The following ELMOD1 variants were observed in gnomAD, a reference collection of about 807,000 sequenced individuals.
ELMOD1 encodes ELMO domain-containing protein 1.
In ELMOD1, 21 loss-of-function variants were observed where a neutral mutation model predicts 46.7. The ratio of observed to expected loss-of-function variants is 0.45; its 90% CI spans 0.32 to 0.65. The LOEUF (loss-of-function observed/expected upper bound fraction) is 0.65. ELMOD1 is among the 30% of genes least tolerant of loss of function. The pLI is 0.04. For synonymous variants in ELMOD1, 122 were observed against 138.2 expected (o/e 0.88, Z 0.82); for missense variants, 348 against 407.8 (o/e 0.85, Z 1.26).
rs1172867352 is a variant in ELMOD1 at position 107,655,966 on chromosome 11, T to C, written c.732T>C (p.Thr244=). 5 of 1,603,370 alleles carry C rather than the reference T, an allele frequency of 3.1e-6. No individual in the cohort carries two copies. Among genetic ancestry groups the C allele is most frequent in the African/African-American group, 1.3e-5 (1 of 74,888 alleles). The change falls in exon 11 of 12, where the codon ACT becomes ACC. Residue 244 remains threonine (T), a synonymous_variant. Coordinates refer to ENST00000265840, the MANE Select transcript of ELMOD1 (RefSeq NM_018712.4). ...YSFAIVGINI[T]DLAYNLLVSG... is the part of the protein sequence containing the mutation. ...TTGCAATTGTGGGCATCAATATAAC[T>C]GACCTGGCATATAATCTACTGGTCA...
chr11:107,606,703 C>T (rs933270505), intron 1 of ELMOD1, among the ~76,000 whole-genome samples: 12 of 152,060 alleles, frequency 7.9e-5, no homozygotes, highest in Admixed American at 1.3e-4. Flanking sequence ...GGTGTGGTGG[C>T]GTGCGCCTGT....
chr11:107,592,465 C>T (rs1315389597), intron 1 of ELMOD1: 1 of 533,778 alleles, frequency 1.9e-6, no homozygotes, highest in African/African-American at 1.9e-5. Flanking sequence ...GCTTGACAAC[C>T]GTCCTTAACT....
rs937289928 is a variant in ELMOD1, at chr11:107,597,775, A to T, written c.-86+6366A>T. Among the ~76,000 whole-genome samples the T allele has an allele frequency of 7.9e-5, 12 of 152,338 alleles. No individual in the cohort carries two copies. In the East Asian group the frequency reaches 2.3e-3, roughly 29 times the overall value. ...AATCAATCTAACTAAAAATAGGTGC[A>T]TCTGCTCTGTAACTAGCACTAGGTT... On this transcript the variant is annotated intron_variant, in intron 1 of 11. Coordinates refer to ENST00000265840, the MANE Select transcript of ELMOD1 (RefSeq NM_018712.4).
intron 1 of ELMOD1, among the ~76,000 whole-genome samples, chr11:107,616,906 A>T (rs984752105): frequency 3.9e-5 from 6 of 152,216 alleles, no homozygotes; most frequent in Non-Finnish European, 8.8e-5. Flanking sequence ...TGTATTAGAA[A>T]TTATGATCCG....
At chr11:107,603,507 C>G (rs1267411763) in intron 1 of ELMOD1, among the ~76,000 whole-genome samples, 1 of 152,140 alleles carries the variant, frequency 6.6e-6, no homozygotes, top group East Asian at 1.9e-4. Flanking sequence ...CCACTGCACT[C>G]CAGCCTGGGC....
intron 9 of ELMOD1, among the ~76,000 whole-genome samples, chr11:107,653,114 A>G (rs1033272560): frequency 2.6e-5 from 4 of 152,156 alleles, no homozygotes; most frequent in Admixed American, 1.3e-4. Context: ...CTCTATCTGC[A>G]TTGGAAGTAT....
At chr11:107,615,361 A>G (rs4754237) in intron 1 of ELMOD1, among the ~76,000 whole-genome samples, 83,461 of 149,970 alleles carry the variant, frequency 0.56, 23,640 homozygotes, top group East Asian at 0.8. Flanking sequence ...TCAGCCTCCC[A>G]AGTAGCTGGG....
chr11:107,592,527 G>A (rs1345720867), intron 1 of ELMOD1: 51 of 477,948 alleles, frequency 1.1e-4, no homozygotes, highest in South Asian at 8.4e-4. Context: ...TGGGATAAAT[G>A]TCTTAATTCA....
chr11:107,611,526 T>A (rs2135666366), intron 1 of ELMOD1, among the ~76,000 whole-genome samples: 1 of 151,590 alleles, frequency 6.6e-6, no homozygotes, highest in South Asian at 2.1e-4. Context: ...CGGTGAAACC[T>A]CATCTCTACT....
intron 6 of ELMOD1, 93 bp from the exon 7 acceptor site, chr11:107,647,375 T>C: frequency 1.6e-6 from 2 of 1,219,186 alleles, no homozygotes; most frequent in Non-Finnish European, 2.3e-6. Context: ...TACATTCAGC[T>C]TTGCAAAGCT....
chr11:107,635,914 C>T (rs1025015825), intron 6 of ELMOD1, 149 bp downstream of exon 6: 10 of 761,056 alleles, frequency 1.3e-5, no homozygotes, highest in Middle Eastern at 2.5e-4. Flanking sequence ...CAAGTTTTCT[C>T]GCTGGTTCAG....
intron 1 of ELMOD1, among the ~76,000 whole-genome samples, chr11:107,596,324 T>A (rs1164324538): frequency 6.6e-6 from 1 of 152,148 alleles, no homozygotes; most frequent in Non-Finnish European, 1.5e-5. Context: ...TCAGAAACTC[T>A]GTTCCCTAAA....
At chr11:107,593,929 G>T (rs991676148) in intron 1 of ELMOD1, among the ~76,000 whole-genome samples, 1 of 152,194 alleles carries the variant, frequency 6.6e-6, no homozygotes, top group African/African-American at 2.4e-5. Context: ...GACAAGCTCA[G>T]TTCTGGTTCA....
chr11:107,664,050 A>G (rs1286605602), intron 11 of ELMOD1, among the ~76,000 whole-genome samples: 1 of 152,162 alleles, frequency 6.6e-6, no homozygotes, highest in Non-Finnish European at 1.5e-5. Context: ...CAGTGGCGCA[A>G]TCACAGCTCA....
chr11:107,638,891 A>G (rs1306995655), intron 6 of ELMOD1, among the ~76,000 whole-genome samples: 1 of 152,212 alleles, frequency 6.6e-6, no homozygotes, highest in African/African-American at 2.4e-5. Context: ...TCACACCTGT[A>G]ATCCCAGCAC....
intron 8 of ELMOD1, 101 bp downstream of exon 8, chr11:107,650,504 G>T (rs562549325): frequency 1.8e-4 from 160 of 894,388 alleles, no homozygotes; most frequent in Non-Finnish European, 2.7e-4. Flanking sequence ...GGAGAGTGAG[G>T]CTCAAAGCTT....
intron 1 of ELMOD1, among the ~76,000 whole-genome samples, chr11:107,598,684 AG>A (rs2135646747): frequency 1.3e-5 from 2 of 152,326 alleles, no homozygotes; most frequent in African/African-American, 4.8e-5. Flanking sequence ...CAGATTTTCC[AG>A]TTGGCAGTGC....
At chr11:107,595,153 GT>G (rs11358593) in intron 1 of ELMOD1, among the ~76,000 whole-genome samples, 89,170 of 145,560 alleles carry the variant, frequency 0.61, 27,618 homozygotes, top group East Asian at 0.8. Flanking sequence ...CAATAAATCT[GT>G]TTTTTTTTTT....
At chr11:107,634,861 A>G (rs963846812) in intron 5 of ELMOD1, among the ~76,000 whole-genome samples, 1 of 152,244 alleles carries the variant, frequency 6.6e-6, no homozygotes, top group Non-Finnish European at 1.5e-5. Context: ...TTAAATAGTC[A>G]TGGCACTGGA....
Sources: allele counts gnomAD v4.1 joint callset (sites outside exome capture counted in the v4.1 genomes callset), GRCh38; gene constraint gnomAD v4.1.1; transcripts MANE v1.5; gene names NCBI Gene and HGNC (gene_info 2026-07-23, HGNC 2026-07-21).